Variants in SHCBP1L observed in about 807,000 individuals in gnomAD.
The protein encoded by SHCBP1L is SHC binding and spindle associated 1 like.
SHCBP1L carries 67 observed loss-of-function variants against 62.5 expected under a neutral mutation model. That is an observed-to-expected ratio of 1.07 (90% CI 0.88 to 1.31). The LOEUF is 1.31. Ranked by LOEUF, SHCBP1L falls within the 40% of genes most tolerant of loss-of-function variation. The pLI is 0.00. For synonymous variants in SHCBP1L, 284 were observed against 289.4 expected, an observed-to-expected ratio of 0.98 and a Z score of 0.19; for missense variants, 823 against 809.8, an observed-to-expected ratio of 1.02 and a Z score of -0.20.
intron 5 of SHCBP1L, among the ~76,000 whole-genome samples, chr1:182,932,745 T>A (rs1651048372): frequency 6.6e-6 from 1 of 152,158 alleles, no homozygotes; most frequent in South Asian, 2.1e-4. Context: ...TCTGCCCACT[T>A]CAGCCTCCCA....
At chr1:182,942,078 C>G in intron 2 of SHCBP1L, 1 of 911,398 alleles carries the variant, frequency 1.1e-6, no homozygotes, top group Non-Finnish European at 1.8e-6. Flanking sequence ...AGACAGGGAC[C>G]ACTGATAAGA....
intron 5 of SHCBP1L, among the ~76,000 whole-genome samples, chr1:182,933,364 G>A (rs1651069871): frequency 6.6e-6 from 1 of 152,054 alleles, no homozygotes; most frequent in East Asian, 1.9e-4. Flanking sequence ...AGAACCTCCA[G>A]TACAATTTGA....
chr1:182,929,551 T>A (rs541016112), intron 6 of SHCBP1L, 96 bp downstream of exon 6: 18 of 639,730 alleles, frequency 2.8e-5, no homozygotes, highest in Middle Eastern at 2.7e-4. Flanking sequence ...AAATAAGGCA[T>A]TAATGATTAG....
intron 5 of SHCBP1L, among the ~76,000 whole-genome samples, chr1:182,932,305 A>T (rs1045641036): frequency 6.6e-6 from 1 of 152,100 alleles, no homozygotes; most frequent in African/African-American, 2.4e-5. Flanking sequence ...TCATGTGGGT[A>T]ATTATCAAGG....
At chr1:182,904,505 C>T (rs1649942905) in intron 7 of SHCBP1L, 75 bp from the exon 8 acceptor site, 7 of 1,481,592 alleles carry the variant, frequency 4.7e-6, no homozygotes, top group Non-Finnish European at 4.6e-6. Context: ...TTCAACAATA[C>T]TGCTGTTACT....
intron 5 of SHCBP1L, among the ~76,000 whole-genome samples, chr1:182,933,126 G>A (rs1443082132): frequency 6.6e-6 from 1 of 151,274 alleles, no homozygotes; most frequent in East Asian, 2.0e-4. Context: ...GGCTGGTCTC[G>A]AACTCCTGAC....
Position 182,952,852 on chromosome 1 carries a change from C to T in SHCBP1L, c.282G>A (p.Leu94=). 2 of 1,609,786 alleles carry T rather than the reference C, an allele frequency of 1.2e-6. No individual in the cohort carries two copies. The highest frequency in any genetic ancestry group is 1.7e-6 in the Non-Finnish European group (2 of 1,178,668). ...CCTCCTCTTCATCCTCAGGCACTGG[C>T]AGCAGGGGCTCCTCCGCCGCCGCCG... is the stretch of plus-strand genomic sequence containing the variant. ...AAAAAAEEPL[L]PVPEDEEEAQ... is the part of the protein sequence containing the mutation. The change falls in exon 1 of 10, where the codon CTG becomes CTA. Residue 94 remains leucine, a synonymous_variant. Transcript: ENST00000367547.
Position 182,904,421 on chromosome 1 carries a change from T to G in SHCBP1L, c.1346A>C (p.Lys449Thr). ...TDDIIIKGVG[K>T]REEIMITSEP... Reference sequence around the variant, plus strand: ...AGAAGTAATCATAATTTCCTCTCTCTTTCCAACTCCTGATTCATAGGGATA... The same window carrying G: ...AGAAGTAATCATAATTTCCTCTCTCGTTCCAACTCCTGATTCATAGGGATA... Residue 449 changes from lysine (K) to threonine (T), a missense_variant, in exon 8 of 10, where the codon AAG (lysine) becomes ACG (threonine). Transcript: ENST00000367547. The G allele has an allele frequency of 6.2e-7, 1 of 1,614,016 alleles. No individual in the cohort carries two copies. Among genetic ancestry groups the G allele is most frequent in the South Asian group, 1.1e-5 (1 of 91,060 alleles).
intron 1 of SHCBP1L, 80 bp from the exon 2 acceptor site, chr1:182,951,547 TGATTTCTA>T: frequency 4.5e-6 from 4 of 895,980 alleles, no homozygotes; most frequent in Non-Finnish European, 6.2e-6. Context: ...TTTTTTTTAC[TGATTTCTA>T]TTTTAAAATG....
Position 182,905,532 on chromosome 1 carries a change from T to G in SHCBP1L, c.1300A>C (p.Asn434His), listed in dbSNP as rs144570390. Reference protein sequence around the residue: ...IIFPGEYQAANLALLTDDIII... With the variant: ...IIFPGEYQAAHLALLTDDIII... ...ATGTCATCTGTCAACAAAGCAAGATTTGCAGCTTGATATTCTCCTGGAAAA... is the reference window on the plus strand; with the variant it reads ...ATGTCATCTGTCAACAAAGCAAGATGTGCAGCTTGATATTCTCCTGGAAAA... Residue 434 changes from asparagine (N) to histidine (H), a missense_variant, in exon 7 of 10, where the codon AAT becomes CAT. By Grantham distance (68) the Asn-to-His change is moderately conservative. Transcript: ENST00000367547. The G allele has an allele frequency of 5.3e-4, 853 of 1,613,754 alleles. 2 individuals are homozygous for G. Among genetic ancestry groups the G allele is most frequent in the Middle Eastern group, 3.3e-3 (20 of 6,054 alleles).
At chr1:182,919,746 C>G (rs901992409) in intron 6 of SHCBP1L, among the ~76,000 whole-genome samples, 1 of 152,184 alleles carries the variant, frequency 6.6e-6, no homozygotes, top group Non-Finnish European at 1.5e-5. Flanking sequence ...GAAGATCAAA[C>G]TGGGTGTTTG....
chr1:182,951,832 C>A, intron 1 of SHCBP1L: 1 of 261,648 alleles, frequency 3.8e-6, no homozygotes, highest in Non-Finnish European at 7.7e-6. Flanking sequence ...TGCTCTATTC[C>A]GTTTTATCAG....
At position 182,930,587 on chromosome 1, in the gene SHCBP1L, A is replaced by G. The variant is rs993320601; in HGVS notation, c.1077-835T>C. Among the ~76,000 whole-genome samples the G allele has an allele frequency of 7.0e-5, 9 of 129,324 alleles. No individual in the cohort carries two copies. In the East Asian group the frequency reaches 1.3e-3, roughly 18 times the overall value. The allele number at this position is 129,324 out of a possible 152,430, so 84.8% of individuals were successfully genotyped here. On this transcript the variant is annotated intron_variant, in intron 5 of 9. Coordinates refer to ENST00000367547, the MANE Select transcript of SHCBP1L (RefSeq NM_030933.4). ...TATATATATATATATATATATATAT[A>G]TATATATACACATATATACATATAT...
In SHCBP1L at chr1:182,905,500, T is replaced by C. The variant is rs758191438; in HGVS notation, c.1332A>G (p.Ile444Met). 12 of 1,613,544 alleles carry C rather than the reference T, an allele frequency of 7.4e-6. No homozygotes were observed. The highest frequency in any genetic ancestry group is 1.6e-4 in the Middle Eastern group (1 of 6,076). ...TACAAAGGATGCCCTGCTAACCCTT[T>C]ATAATGATGTCATCTGTCAACAAAG... ...NLALLTDDII[I>M]KGVGKREEIM... is the part of the protein sequence containing the mutation. The change falls in exon 7 of 10, where the codon ATA (isoleucine) becomes ATG (methionine). Residue 444 changes from isoleucine to methionine, a missense_variant. Transcript: ENST00000367547.
intron 2 of SHCBP1L, chr1:182,942,068 A>G (rs991663300): frequency 1.1e-6 from 1 of 925,114 alleles, no homozygotes; most frequent in African/African-American, 1.6e-5. Flanking sequence ...ACAAGAAGGG[A>G]GACAGGGACC....
At chr1:182,935,025 T>C (rs1651121984) in intron 5 of SHCBP1L, among the ~76,000 whole-genome samples, 1 of 152,164 alleles carries the variant, frequency 6.6e-6, no homozygotes, top group African/African-American at 2.4e-5. Context: ...TTATGGACTC[T>C]ATTTCCTTTC....
chr1:182,930,142 G>A (rs963189335), intron 5 of SHCBP1L, among the ~76,000 whole-genome samples: 3 of 152,122 alleles, frequency 2.0e-5, no homozygotes, highest in Admixed American at 2.0e-4. Flanking sequence ...GAATATTTTC[G>A]AATATACATA....
At chr1:182,900,672 C>T (rs1041132024) in intron 9 of SHCBP1L, among the ~76,000 whole-genome samples, 6 of 152,114 alleles carry the variant, frequency 3.9e-5, no homozygotes, top group Non-Finnish European at 8.8e-5. Context: ...ACCTCGTGAT[C>T]CACCCGCCTT....
chr1:182,924,772 GAAAGAAAGAAAGAA>G (rs1247192312), intron 6 of SHCBP1L, among the ~76,000 whole-genome samples: 69 of 92,952 alleles, frequency 7.4e-4, no homozygotes, highest in Admixed American at 1.4e-3. Context: ...AAGAAAGAAA[GAAAGAAAGAAAGAA>G]AGAGAGAAAG....
Sources: allele counts gnomAD v4.1 joint callset (sites outside exome capture counted in the v4.1 genomes callset), GRCh38; gene constraint gnomAD v4.1.1; transcripts MANE v1.5; gene names NCBI Gene and HGNC (gene_info 2026-07-23, HGNC 2026-07-21).